Variants in ETV7 observed in about 807,000 individuals in gnomAD.
ETV7 encodes ETS variant transcription factor 7.
Under a neutral mutation model 39.1 loss-of-function variants are expected in ETV7, and 43 were observed. The ratio of observed to expected loss-of-function variants is 1.10; its 90% CI spans 0.86 to 1.42. The LOEUF (loss-of-function observed/expected upper bound fraction) is 1.42, where lower values mean the gene tolerates loss of function less well. Ranked by LOEUF, ETV7 falls within the 40% of genes most tolerant of loss-of-function variation. ETV7 has a pLI of 0.00. For missense variants in ETV7, 432 were observed against 442.3 expected (o/e 0.98, Z 0.21); for synonymous variants, 196 against 176.6 (o/e 1.11, Z -0.87).
chr6:36,367,121 GA>G, intron 6 of ETV7, 146 bp from the exon 7 acceptor site: 1 of 681,316 alleles, frequency 1.5e-6, no homozygotes, highest in Non-Finnish European at 2.6e-6. Flanking sequence ...CTTGAGTTTG[GA>G]AGGAAAAAGG....
At chr6:36,363,269 T>G (rs1029344687), downstream of ETV7, among the ~76,000 whole-genome samples, 1 of 152,216 alleles carries the variant, frequency 6.6e-6, no homozygotes, top group Non-Finnish European at 1.5e-5. Context: ...TGTTCAGAGT[T>G]TCTTCCTTCT....
intron 2 of ETV7, among the ~76,000 whole-genome samples, chr6:36,378,764 T>C (rs1175343176): frequency 6.6e-6 from 1 of 152,214 alleles, no homozygotes; most frequent in African/African-American, 2.4e-5. Flanking sequence ...CCCTGGTCAC[T>C]ATCCACTCAA....
intron 7 of ETV7, among the ~76,000 whole-genome samples, chr6:36,357,987 GA>G (rs1328542813): frequency 2.0e-5 from 3 of 152,182 alleles, no homozygotes; most frequent in Non-Finnish European, 4.4e-5. Context: ...ACATGAAGGA[GA>G]CAGTACAACC....
At chr6:36,380,336 T>C (rs577045177) in intron 2 of ETV7, among the ~76,000 whole-genome samples, 7 of 152,310 alleles carry the variant, frequency 4.6e-5, no homozygotes, top group African/African-American at 1.4e-4. Context: ...GCATTTTCAG[T>C]TCTTTCCCAT....
At chr6:36,367,561 A>G (rs1772794335) in intron 6 of ETV7, among the ~76,000 whole-genome samples, 1 of 152,214 alleles carries the variant, frequency 6.6e-6, no homozygotes. Flanking sequence ...ACTGCATGTT[A>G]CTTTTAAACA....
Position 36,387,619 on chromosome 6 carries a change from G to C in ETV7, c.-78C>G. The C allele has an allele frequency of 6.5e-7, 1 of 1,531,980 alleles. No individual in the cohort carries two copies. Among genetic ancestry groups the C allele is most frequent in the Non-Finnish European group, 9.0e-7 (1 of 1,111,890 alleles). The allele number at this position is 1,531,980 out of a possible 1,614,324, so 94.9% of individuals were successfully genotyped here. A position where few individuals can be genotyped will look rare whatever the true frequency, so the allele number is the denominator to read the frequency against. ...CTGTGGCTGCTGGGGCCCTAGGCCC[G>C]CGCCCCGCAGTCCTCCTCCGCCAAA... On this transcript the variant is annotated 5_prime_UTR_variant, in exon 1 of 8. Coordinates refer to ENST00000340181, the MANE Select transcript of ETV7 (RefSeq NM_016135.4).
chr6:36,361,075 G>C (rs573362614), intron 7 of ETV7, among the ~76,000 whole-genome samples: 1 of 152,072 alleles, frequency 6.6e-6, no homozygotes, highest in African/African-American at 2.4e-5. Flanking sequence ...CCCATCCCCA[G>C]TATATGAGCA....
chr6:36,357,614 T>C (rs560145044), intron 7 of ETV7, among the ~76,000 whole-genome samples: 39 of 152,186 alleles, frequency 2.6e-4, no homozygotes, highest in Non-Finnish European at 4.6e-4. Context: ...CGCTGGCTCA[T>C]GCCTGTAATC....
chr6:36,383,543 G>A (rs1773754297), intron 2 of ETV7, among the ~76,000 whole-genome samples: 1 of 152,096 alleles, frequency 6.6e-6, no homozygotes, highest in South Asian at 2.1e-4. Context: ...GAGGTTGGAG[G>A]TAGGGGAGGG....
At chr6:36,383,572 G>A (rs186634992) in intron 2 of ETV7, among the ~76,000 whole-genome samples, 9 of 152,246 alleles carry the variant, frequency 5.9e-5, no homozygotes, top group Non-Finnish European at 1.2e-4. Flanking sequence ...GGGTGACGGG[G>A]AATAAACATC....
chr6:36,373,272 G>A lies in ETV7; in HGVS notation c.433+181C>T, dbSNP rs139715193. 1.7e-3 allele frequency among the ~76,000 whole-genome samples: 260 copies of A among 151,242 alleles called. 3 individuals are homozygous for A. The highest frequency in any genetic ancestry group is 0.014 in the Middle Eastern group (4 of 292). On this transcript the variant is annotated intron_variant, in intron 4 of 7. Coordinates refer to ENST00000340181, the MANE Select transcript of ETV7 (RefSeq NM_016135.4). Reference sequence around the variant, plus strand: ...AGAGAATGGGGAGGTGGGAGGCATGGAGGGTGCAGCACAGAGGAAGGGCGG... The same window carrying A: ...AGAGAATGGGGAGGTGGGAGGCATGAAGGGTGCAGCACAGAGGAAGGGCGG...
chr6:36,371,696 G>A (rs1773035141), intron 4 of ETV7, 136 bp from the exon 5 acceptor site: 2 of 814,298 alleles, frequency 2.5e-6, no homozygotes. Context: ...CTGGTTAGAA[G>A]GTCAGGGAGG....
intron 7 of ETV7, among the ~76,000 whole-genome samples, chr6:36,357,816 T>G (rs989668362): frequency 6.6e-6 from 1 of 152,150 alleles, no homozygotes; most frequent in African/African-American, 2.4e-5. Context: ...AGGTGGAGGT[T>G]GCAGTGAGCC....
At chr6:36,356,332 AAAAAAAAC>A (rs1308304440) in intron 7 of ETV7, among the ~76,000 whole-genome samples, 4 of 150,758 alleles carry the variant, frequency 2.7e-5, no homozygotes, top group Admixed American at 6.6e-5. Context: ...TCAAAAAAAA[AAAAAAAAC>A]AAAAAAAAAC....
chr6:36,363,095 C>T (rs1354516667), downstream of ETV7, among the ~76,000 whole-genome samples: 1 of 132,998 alleles, frequency 7.5e-6, no homozygotes, highest in African/African-American at 3.5e-5. Context: ...GACAGTCCCT[C>T]CTAAGCCAGG....
chr6:36,357,158 G>A (rs753813047), intron 7 of ETV7, among the ~76,000 whole-genome samples: 50 of 152,124 alleles, frequency 3.3e-4, no homozygotes, highest in Admixed American at 6.5e-4. Context: ...CACTGAGAGG[G>A]CTGCTGAATG....
In ETV7 at chr6:36,376,028, C is replaced by T; in HGVS notation, c.150G>A (p.Gln50=). Residue 50 remains glutamine (Q), a synonymous_variant, in exon 3 of 8, where the codon CAG becomes CAA. Transcript: ENST00000340181. ...ICKLPGRLRI[Q]PALWSREDVL... ...CGTCCTCCCTGCTCCACAGTGCGGG[C>T]TGGATGCCTGCAACCAGCAAGGACC... 6.3e-7 allele frequency: 1 copy of T among 1,599,572 alleles called. No individual in the cohort carries two copies. The highest frequency in any genetic ancestry group is 8.5e-7 in the Non-Finnish European group (1 of 1,175,730).
intron 7 of ETV7, among the ~76,000 whole-genome samples, chr6:36,359,143 C>A (rs1772411023): frequency 6.6e-6 from 1 of 152,150 alleles, no homozygotes. Flanking sequence ...GTGTGACCTG[C>A]AGATTAAACA....
intron 2 of ETV7, among the ~76,000 whole-genome samples, chr6:36,379,560 A>G (rs1191550060): frequency 7.0e-5 from 10 of 143,848 alleles, no homozygotes; most frequent in South Asian, 2.2e-4. Context: ...AAAAAAAAAA[A>G]AAGAAGAAGA....
Sources: allele counts gnomAD v4.1 joint callset (sites outside exome capture counted in the v4.1 genomes callset), GRCh38; gene constraint gnomAD v4.1.1; transcripts MANE v1.5; gene names NCBI Gene and HGNC (gene_info 2026-07-23, HGNC 2026-07-21).